Variants in SMCO4 observed in about 807,000 individuals in gnomAD.
SMCO4 encodes the protein single-pass membrane and coiled-coil domain-containing protein 4.
Under a neutral mutation model 3.6 loss-of-function variants are expected in SMCO4, and 4 were observed. The ratio of observed to expected loss-of-function variants is 1.11; its 90% confidence interval spans 0.54 to 2.53. The LOEUF (loss-of-function observed/expected upper bound fraction) is 2.53, where lower values mean the gene tolerates loss of function less well. Ranked by LOEUF, SMCO4 falls within the 30% of genes most tolerant of loss-of-function variation. The pLI, the probability that SMCO4 is intolerant of heterozygous loss-of-function variation, is 0.02. For missense variants in SMCO4, 70 were observed against 80.8 expected, an observed-to-expected ratio of 0.87 and a Z score of 0.51; for synonymous variants, 36 against 35.3, an observed-to-expected ratio of 1.02 and a Z score of -0.07.
intron 2 of SMCO4, among the ~76,000 whole-genome samples, chr11:93,482,964 G>C (rs1231517305): frequency 6.6e-6 from 1 of 152,140 alleles, no homozygotes; most frequent in Non-Finnish European, 1.5e-5. Context: ...CTAATAGAAT[G>C]GGAGAAAACC....
chr11:93,488,621 G>A (rs1030396603), intron 2 of SMCO4, among the ~76,000 whole-genome samples: 5 of 152,162 alleles, frequency 3.3e-5, no homozygotes, highest in African/African-American at 1.2e-4. Flanking sequence ...ATTGAGAGAG[G>A]TGGGAAGTTG....
intron 2 of SMCO4, 137 bp downstream of exon 2, chr11:93,499,139 C>T (rs1052921537): frequency 1.3e-5 from 2 of 152,146 alleles, no homozygotes; most frequent in African/African-American, 4.8e-5. Flanking sequence ...TGATAAAGAT[C>T]TTGAGGGATG....
Position 93,478,942 on chromosome 11 carries a change from T to C in SMCO4, c.*68A>G, listed in dbSNP as rs1485850992. 5.2e-6 allele frequency: 8 copies of C among 1,525,994 alleles called. No homozygotes were observed. In the East Asian group the frequency reaches 1.6e-4, roughly 31 times the overall value. 94.5% of individuals were successfully genotyped at this position (1,525,994 alleles called of 1,614,324 possible). ...TGAACATCTCTGAATATGAAAGCCA[T>C]TTTTTGTTTGCGTCCCCCTCCCGCG... On this transcript the variant is annotated 3_prime_UTR_variant, in exon 3 of 3. Transcript: ENST00000298966.
intron 1 of SMCO4, among the ~76,000 whole-genome samples, chr11:93,501,299 G>A (rs186376839): frequency 1.3e-5 from 2 of 152,332 alleles, no homozygotes; most frequent in Admixed American, 6.5e-5. Context: ...GTCTTGGACA[G>A]GGCACAGACT....
intron 1 of SMCO4, among the ~76,000 whole-genome samples, chr11:93,518,642 A>G (rs914597211): frequency 1.3e-5 from 2 of 152,248 alleles, no homozygotes; most frequent in Admixed American, 6.5e-5. Context: ...ATCTCATTTG[A>G]ATAAGTTCAA....
At chr11:93,520,531 G>C (rs917640247) in intron 1 of SMCO4, among the ~76,000 whole-genome samples, 1 of 152,170 alleles carries the variant, frequency 6.6e-6, no homozygotes, top group South Asian at 2.1e-4. Flanking sequence ...TTCTGCTCTT[G>C]ACCATTATAC....
chr11:93,505,661 T>C (rs1309564194), intron 1 of SMCO4, among the ~76,000 whole-genome samples: 2 of 152,308 alleles, frequency 1.3e-5, no homozygotes, highest in Admixed American at 1.3e-4. Context: ...TCACAATATA[T>C]ACCTTATACA....
At chr11:93,533,550 C>T (rs1565389586) in intron 1 of SMCO4, among the ~76,000 whole-genome samples, 1 of 152,134 alleles carries the variant, frequency 6.6e-6, no homozygotes, top group African/African-American at 2.4e-5. Context: ...GCTTTCAGGG[C>T]CCCACTCAGC....
chr11:93,486,471 C>T (rs767281680), intron 2 of SMCO4, among the ~76,000 whole-genome samples: 4 of 152,192 alleles, frequency 2.6e-5, no homozygotes, highest in Non-Finnish European at 5.9e-5. Flanking sequence ...CATTTGGCAG[C>T]AGGTAAAGTC....
chr11:93,496,852 G>A (rs1017577894), intron 2 of SMCO4, among the ~76,000 whole-genome samples: 1 of 152,170 alleles, frequency 6.6e-6, no homozygotes, highest in African/African-American at 2.4e-5. Flanking sequence ...CAGATTTCTC[G>A]ATACTGATGC....
upstream of SMCO4, among the ~76,000 whole-genome samples, chr11:93,544,609 C>T (rs571834796): frequency 2.0e-5 from 3 of 152,290 alleles, no homozygotes; most frequent in South Asian, 4.1e-4. Context: ...CTGTTTTCTT[C>T]CTGACCCTCT....
At chr11:93,544,778 A>ATAAG (rs1949302366), upstream of SMCO4, among the ~76,000 whole-genome samples, 1 of 152,230 alleles carries the variant, frequency 6.6e-6, no homozygotes, top group Admixed American at 6.5e-5. Flanking sequence ...ACTGTGGAGA[A>ATAAG]TAAGACCTTG....
Position 93,485,580 on chromosome 11 carries a change from C to A in SMCO4, c.-80-6311G>T, listed in dbSNP as rs141796008. 7.7e-4 allele frequency among the ~76,000 whole-genome samples: 118 copies of A among 152,310 alleles called. 1 individual carries two copies. Among genetic ancestry groups the A allele is most frequent in the African/African-American group, 2.7e-3 (113 of 41,576 alleles). On this transcript the variant is annotated intron_variant, in intron 2 of 2. Transcript: ENST00000298966. ...CTGCAGCACTGACTGGCAGCTACTG[C>A]CTAGCTGGCTGGGCCTCTGACGTCT... is the stretch of plus-strand genomic sequence containing the variant.
intron 1 of SMCO4, among the ~76,000 whole-genome samples, chr11:93,521,604 C>G (rs912305995): frequency 6.6e-6 from 1 of 152,194 alleles, no homozygotes; most frequent in Non-Finnish European, 1.5e-5. Context: ...CTATCACACT[C>G]GGTGTCTTTC....
At chr11:93,514,419 T>TATATATAA (rs1555077574) in intron 1 of SMCO4, among the ~76,000 whole-genome samples, 40 of 42,562 alleles carry the variant, frequency 9.4e-4, no homozygotes, top group African/African-American at 2.9e-3. Flanking sequence ...TATATATATA[T>TATATATAA]ATAAAATTTG....
At chr11:93,502,803 T>G (rs964939613) in intron 1 of SMCO4, among the ~76,000 whole-genome samples, 1 of 152,220 alleles carries the variant, frequency 6.6e-6, no homozygotes, top group East Asian at 1.9e-4. Flanking sequence ...GGTAGATTCA[T>G]TTAAAAACTC....
intron 1 of SMCO4, among the ~76,000 whole-genome samples, chr11:93,529,224 A>T (rs981351207): frequency 6.6e-6 from 1 of 152,166 alleles, no homozygotes; most frequent in African/African-American, 2.4e-5. Flanking sequence ...ACACCCTAAA[A>T]ATAACTTCTG....
intron 1 of SMCO4, chr11:93,535,546 C>G: frequency 6.9e-7 from 1 of 1,441,132 alleles, no homozygotes; most frequent in African/African-American, 1.4e-5. Flanking sequence ...CAGGCAGCAT[C>G]ATATCACCTT....
chr11:93,510,815 ACAGGCCACTG>A (rs1227961989), intron 1 of SMCO4, among the ~76,000 whole-genome samples: 3 of 152,052 alleles, frequency 2.0e-5, no homozygotes, highest in Non-Finnish European at 4.4e-5. Flanking sequence ...AAAGACAAAA[ACAGGCCACTG>A]CAGTGGCTCA....
Sources: gnomAD v4.1 joint callset for allele counts (sites outside exome capture counted in the v4.1 genomes callset) on GRCh38, gnomAD v4.1.1 for gene constraint, MANE v1.5 for transcripts, NCBI Gene and HGNC (gene_info 2026-07-23, HGNC 2026-07-21) for gene names.